The following KIF27 variants were observed in gnomAD, a reference collection of about 807,000 sequenced individuals.
The protein encoded by KIF27 is kinesin-like protein KIF27.
KIF27 carries 84 observed loss-of-function variants against 141.8 expected under a neutral mutation model. The observed-to-expected ratio is 0.59, with a 90% CI of 0.50 to 0.71. The LOEUF is 0.71. KIF27 is among the 30% of genes least tolerant of loss of function. The pLI is 0.00. For missense variants in KIF27, 1,306 were observed against 1,628.4 expected, an observed-to-expected ratio of 0.80 and a Z score of 3.41; for synonymous variants, 471 against 569.5, an observed-to-expected ratio of 0.83 and a Z score of 2.46.
intron 13 of KIF27, chr9:83,863,580 G>T (rs1322596269): frequency 4.6e-5 from 7 of 152,196 alleles, no homozygotes; most frequent in African/African-American, 1.7e-4. Flanking sequence ...CGGTTTGCCA[G>T]TATTTTATTG....
chr9:83,881,192 A>G (rs1429265826), intron 10 of KIF27, among the ~76,000 whole-genome samples: 2 of 152,094 alleles, frequency 1.3e-5, no homozygotes, highest in Admixed American at 6.6e-5. Flanking sequence ...TCATCTAACT[A>G]AAATTACGTA....
chr9:83,876,092 G>A (rs1189457862), intron 11 of KIF27, among the ~76,000 whole-genome samples: 1 of 151,990 alleles, frequency 6.6e-6, no homozygotes, highest in Non-Finnish European at 1.5e-5. Context: ...CTCAATAAAT[G>A]TTAACTATTG....
At chr9:83,850,520 C>G (rs1181430390) in intron 15 of KIF27, among the ~76,000 whole-genome samples, 1 of 152,040 alleles carries the variant, frequency 6.6e-6, no homozygotes, top group Non-Finnish European at 1.5e-5. Flanking sequence ...TGGCTCACGC[C>G]TGTAGTCCCA....
chr9:83,841,539 T>G (rs1303069242), intron 17 of KIF27, among the ~76,000 whole-genome samples: 1 of 152,242 alleles, frequency 6.6e-6, no homozygotes, highest in East Asian at 1.9e-4. Flanking sequence ...TAAACCATAC[T>G]TAAATTATCG....
intron 14 of KIF27, chr9:83,858,889 A>G (rs1041622779): frequency 1.3e-5 from 6 of 457,644 alleles, no homozygotes; most frequent in African/African-American, 9.8e-5. Context: ...TGAGGAGGCA[A>G]ATATACTCAA....
rs749396761 is a variant in KIF27, at chr9:83,842,343, C to G, written c.3615G>C (p.Gln1205His). The change falls in exon 17 of 18, where the codon CAG becomes CAC. Residue 1205 changes from glutamine (Q) to histidine (H), a missense_variant. Around this residue, in one of 4 missense-constraint regions of KIF27, gnomAD observed 148 missense variants for 250.9 expected, o/e 0.59. Transcript: ENST00000297814. ...TATAGAAATAAAGATCTTTTTCCAA[C>G]TGCTGGATTTTATCTTCATATGTTT... ...TFKTYEDKIQ[Q>H]LEKDLYFYKK... 51 of 1,556,082 alleles carry G rather than the reference C, an allele frequency of 3.3e-5. No individual in the cohort carries two copies. Among genetic ancestry groups the G allele is most frequent in the Non-Finnish European group, 4.3e-5 (50 of 1,158,680 alleles).
intron 2 of KIF27, among the ~76,000 whole-genome samples, chr9:83,911,583 G>A (rs562768576): frequency 1.2e-4 from 18 of 151,172 alleles, no homozygotes; most frequent in African/African-American, 3.9e-4. Context: ...TTGCTCTGTT[G>A]CCCACACTGG....
At chr9:83,904,607 G>A (rs1264827588) in intron 3 of KIF27, among the ~76,000 whole-genome samples, 1 of 152,122 alleles carries the variant, frequency 6.6e-6, no homozygotes, top group African/African-American at 2.4e-5. Context: ...CTGACCTCAG[G>A]TGATCCACCT....
chr9:83,861,888 G>A (rs1949953779), intron 13 of KIF27, among the ~76,000 whole-genome samples: 2 of 150,990 alleles, frequency 1.3e-5, no homozygotes, highest in Non-Finnish European at 3.0e-5. Flanking sequence ...GTGTGAGATG[G>A]TATCTCATTG....
intron 2 of KIF27, among the ~76,000 whole-genome samples, chr9:83,914,460 TGA>T (rs1241875941): frequency 2.6e-5 from 4 of 152,130 alleles, no homozygotes; most frequent in African/African-American, 7.2e-5. Flanking sequence ...ATGCATTTAA[TGA>T]GAGAAGTTTC....
Position 83,837,597 on chromosome 9 carries a change from T to G in KIF27, c.3722-112A>C, listed in dbSNP as rs2780139. On this transcript the variant is annotated intron_variant, in intron 17 of 17. Transcript: ENST00000297814. The stretch of plus-strand genomic sequence containing the variant: ...ATTATCACCCAATATGCATAATGTT[T>G]TTCAACTTTTTTGTTAAATGACTTA... 3.6e-4 allele frequency: 386 copies of G among 1,073,690 alleles called. 5 individuals are homozygous for G. The highest frequency in any genetic ancestry group is 2.7e-3 in the African/African-American group (169 of 62,048). The allele number at this position is 1,073,690 out of a possible 1,614,324, so 66.5% of individuals were successfully genotyped here.
At chr9:83,857,757 C>T (rs1949405170) in intron 14 of KIF27, among the ~76,000 whole-genome samples, 1 of 152,128 alleles carries the variant, frequency 6.6e-6, no homozygotes, top group Non-Finnish European at 1.5e-5. Flanking sequence ...CATAATCTAG[C>T]TCAAGATTCT....
At chr9:83,857,097 C>T (rs1192712017) in intron 14 of KIF27, among the ~76,000 whole-genome samples, 1 of 143,634 alleles carries the variant, frequency 7.0e-6, no homozygotes, top group Non-Finnish European at 1.5e-5. Flanking sequence ...AAAAAAAAAG[C>T]GGTGTGACTT....
At chr9:83,895,587 C>G (rs912272338) in intron 5 of KIF27, among the ~76,000 whole-genome samples, 4 of 151,594 alleles carry the variant, frequency 2.6e-5, no homozygotes, top group Admixed American at 2.6e-4. Context: ...TTTATTGAGA[C>G]AAAATTCACA....
rs775346030 is a variant in KIF27, at chr9:83,884,024, C to T, written c.2240-6G>A. On this transcript the variant is annotated splice_polypyrimidine_tract_variant and splice_region_variant and intron_variant, in intron 9 of 17. Coordinates refer to ENST00000297814, the MANE Select transcript of KIF27 (RefSeq NM_017576.4). ...TACAGACTTGGCATCATTACCTTAA[C>T]CGTAATAATAATTATTATTAGTATA... 3 of 1,536,192 alleles carry T rather than the reference C, an allele frequency of 2.0e-6. No homozygotes were observed. Among genetic ancestry groups the T allele is most frequent in the Admixed American group, 1.9e-5 (1 of 52,758 alleles).
At chr9:83,856,303 C>T (rs1263388810) in intron 14 of KIF27, among the ~76,000 whole-genome samples, 1 of 152,048 alleles carries the variant, frequency 6.6e-6, no homozygotes, top group Non-Finnish European at 1.5e-5. Context: ...GCAGAGATTT[C>T]CCTGTAAATT....
At chr9:83,909,035 T>C (rs1019557836) in intron 2 of KIF27, among the ~76,000 whole-genome samples, 1 of 152,182 alleles carries the variant, frequency 6.6e-6, no homozygotes, top group African/African-American at 2.4e-5. Flanking sequence ...TAGTATCTAC[T>C]ATGTGCCAGG....
At chr9:83,899,639 G>A in intron 5 of KIF27, 22 bp downstream of exon 5, 1 of 1,603,728 alleles carries the variant, frequency 6.2e-7, no homozygotes, top group Middle Eastern at 1.7e-4. Context: ...AATCTACAGA[G>A]CTAGATGCAT....
intron 11 of KIF27, among the ~76,000 whole-genome samples, chr9:83,875,094 G>A (rs1951106479): frequency 6.6e-6 from 1 of 152,046 alleles, no homozygotes; most frequent in African/African-American, 2.4e-5. Flanking sequence ...TTAAGCCATG[G>A]CCTATGAGAG....
Sources: allele counts gnomAD v4.1 joint callset (sites outside exome capture counted in the v4.1 genomes callset), GRCh38; gene constraint gnomAD v4.1.1; regional missense constraint gnomAD v4.1.1; transcripts MANE v1.5; gene names NCBI Gene and HGNC (gene_info 2026-07-23, HGNC 2026-07-21).